FBXO36: variants seen among roughly 807,000 people sequenced by gnomAD.
The protein encoded by FBXO36 is F-box only protein 36.
A neutral mutation model predicts 17.0 loss-of-function variants in FBXO36; 18 were observed. The observed-to-expected ratio is 1.06, with a 90% CI of 0.73 to 1.57. The LOEUF is 1.57. Ranked by LOEUF, FBXO36 falls within the 40% of genes most tolerant of loss-of-function variation. The pLI is 0.00. For synonymous variants in FBXO36, 83 were observed against 85.3 expected (o/e 0.97, Z 0.15); for missense variants, 229 against 221.9 (o/e 1.03, Z -0.20).
chr2:229,977,163 A>G (rs2077213193), intron 2 of FBXO36: 1 of 152,006 alleles, frequency 6.6e-6, no homozygotes, highest in South Asian at 2.1e-4. Flanking sequence ...CATTTTTTTT[A>G]TTAAAAAAAA....
At position 229,922,585 on chromosome 2, in the gene FBXO36, C is replaced by T; in HGVS notation, c.72C>T (p.Tyr24=). 1.2e-6 allele frequency: 2 copies of T among 1,614,096 alleles called. No homozygotes were observed. The highest frequency in any genetic ancestry group is 1.7e-6 in the Non-Finnish European group (2 of 1,180,008). The change falls in exon 1 of 4, where the codon TAC becomes TAT. Residue 24 remains tyrosine (Y), a synonymous_variant. Coordinates refer to ENST00000283946, the MANE Select transcript of FBXO36 (RefSeq NM_174899.5). ...GCCCGCCGCCTAGCAAAGACTATTACCAGTTACTGGTCACCCGGTCTCAGG... is the reference window on the plus strand; with the variant it reads ...GCCCGCCGCCTAGCAAAGACTATTATCAGTTACTGGTCACCCGGTCTCAGG... ...GQGPPPSKDY[Y]QLLVTRSQVI...
chr2:229,959,802 T>C (rs1338047722), intron 1 of FBXO36, among the ~76,000 whole-genome samples: 4 of 151,204 alleles, frequency 2.6e-5, no homozygotes, highest in African/African-American at 7.3e-5. Context: ...GCCAAGATCG[T>C]CCCACTGCAC....
intron 1 of FBXO36, among the ~76,000 whole-genome samples, chr2:229,969,657 C>T (rs1158182108): frequency 1.3e-5 from 2 of 152,084 alleles, no homozygotes; most frequent in Admixed American, 6.6e-5. Flanking sequence ...CACCACACTC[C>T]AGTCTGGGTG....
intron 1 of FBXO36, among the ~76,000 whole-genome samples, chr2:229,929,602 G>A (rs2076929145): frequency 6.6e-6 from 1 of 151,736 alleles, no homozygotes; most frequent in South Asian, 2.1e-4. Flanking sequence ...GCCAGGCGCG[G>A]TGGCTCATGC....
chr2:229,973,447 G>C (rs1247574534), intron 1 of FBXO36: 1 of 152,102 alleles, frequency 6.6e-6, no homozygotes, highest in Admixed American at 6.6e-5. Flanking sequence ...TTTTAGGGCA[G>C]GTGCGGTGGC....
intron 2 of FBXO36, among the ~76,000 whole-genome samples, chr2:229,988,645 C>T (rs149319800): frequency 0.097 from 14,742 of 152,076 alleles, 935 homozygotes; most frequent in Non-Finnish European, 0.14. Context: ...AGAGATTCTC[C>T]TGCCTCAGCC....
intron 3 of FBXO36, among the ~76,000 whole-genome samples, chr2:230,008,830 G>A (rs1480992736): frequency 6.6e-6 from 1 of 152,182 alleles, no homozygotes; most frequent in Non-Finnish European, 1.5e-5. Context: ...ACTAAACCTT[G>A]AAGGACTGTT....
At position 229,991,517 on chromosome 2, in the gene FBXO36, A is replaced by C. The variant is rs570080464; in HGVS notation, c.206-5234A>C. 7.9e-5 allele frequency among the ~76,000 whole-genome samples: 12 copies of C among 152,316 alleles called. No individual in the cohort carries two copies. The East Asian group carries it at 1.9e-3, about 24-fold the overall frequency. ...CTCACAAAGAAGAAGTCATGTGAGC[A>C]CACAGTGAAATGGCAGCCCTGCACA... On this transcript the variant is annotated intron_variant, in intron 2 of 3. Coordinates refer to ENST00000283946, the MANE Select transcript of FBXO36 (RefSeq NM_174899.5).
intron 3 of FBXO36, among the ~76,000 whole-genome samples, chr2:230,005,209 C>T (rs1278741654): frequency 1.3e-5 from 2 of 152,080 alleles, no homozygotes; most frequent in Admixed American, 1.3e-4. Context: ...TCAAGCAATC[C>T]TCCCACCTCA....
chr2:229,928,069 G>A lies in FBXO36; in HGVS notation c.96+5460G>A, dbSNP rs181620957. 2.3e-4 allele frequency among the ~76,000 whole-genome samples: 35 copies of A among 152,226 alleles called. No homozygotes were observed. In the East Asian group the frequency reaches 6.4e-3, roughly 28 times the overall value. On this transcript the variant is annotated intron_variant, in intron 1 of 3. Transcript: ENST00000283946. ...CCAGCAAATCCATTTCTAGGATTTG[G>A]ATATCCAAAAATGCTATCACATGTG...
At chr2:229,978,594 T>A (rs1050473000) in intron 2 of FBXO36, among the ~76,000 whole-genome samples, 13 of 151,300 alleles carry the variant, frequency 8.6e-5, no homozygotes, top group East Asian at 3.9e-4. Context: ...TCTCAAAAAA[T>A]AATAATAATA....
Position 229,993,853 on chromosome 2 carries a change from C to G in FBXO36, c.206-2898C>G, listed in dbSNP as rs1363634998. 2.0e-5 allele frequency among the ~76,000 whole-genome samples: 3 copies of G among 152,158 alleles called. No homozygotes were observed. The East Asian group carries it at 5.8e-4, about 29-fold the overall frequency. On this transcript the variant is annotated intron_variant, in intron 2 of 3. Coordinates refer to ENST00000283946, the MANE Select transcript of FBXO36 (RefSeq NM_174899.5). ...TGGCACGATCTCAGCTCACTGCAAC[C>G]TCCGCCATTCTCCCGCCTCAGCCTC... is the stretch of plus-strand genomic sequence containing the variant.
chr2:229,944,753 C>T (rs2077018234), intron 1 of FBXO36, among the ~76,000 whole-genome samples: 1 of 151,678 alleles, frequency 6.6e-6, no homozygotes, highest in Admixed American at 6.6e-5. Flanking sequence ...CCACCACGCC[C>T]GGCTAATTTT....
intron 1 of FBXO36, among the ~76,000 whole-genome samples, chr2:229,967,972 C>T (rs1395688279): frequency 6.6e-6 from 1 of 151,910 alleles, no homozygotes; most frequent in Non-Finnish European, 1.5e-5. Context: ...CTCCTTGTAC[C>T]TCTGGTAGAA....
chr2:230,012,452 A>G lies in FBXO36; in HGVS notation c.*1568A>G, dbSNP rs958758520. The stretch of plus-strand genomic sequence containing the variant: ...TTCCGTGACTGTGAAATCCAGTGCA[A>G]TCTGCTTCCCAGCAGATGAGGAGCC... On this transcript the variant is annotated 3_prime_UTR_variant, in exon 4 of 4. Transcript: ENST00000283946. The G allele has an allele frequency of 6.8e-6, 1 of 146,954 alleles. No homozygotes were observed. The highest frequency in any genetic ancestry group is 2.4e-5 in the African/African-American group (1 of 41,068). The allele number at this position is 146,954 out of a possible 1,614,324, so 9.1% of individuals were successfully genotyped here.
At chr2:229,941,911 G>A (rs971077580) in intron 1 of FBXO36, among the ~76,000 whole-genome samples, 2 of 152,092 alleles carry the variant, frequency 1.3e-5, no homozygotes, top group Non-Finnish European at 2.9e-5. Context: ...AGCTACTCAG[G>A]AGGCCAAGGC....
chr2:229,955,650 CTGTGTT>C (rs1178311514), intron 1 of FBXO36, among the ~76,000 whole-genome samples: 1 of 152,148 alleles, frequency 6.6e-6, no homozygotes, highest in African/African-American at 2.4e-5. Context: ...ACAATGCCCT[CTGTGTT>C]TGTGGAATGA....
intron 3 of FBXO36, among the ~76,000 whole-genome samples, chr2:230,008,241 CCTTCT>C (rs1285201810): frequency 2.0e-5 from 3 of 152,156 alleles, no homozygotes; most frequent in Non-Finnish European, 4.4e-5. Context: ...CATCCTTCTC[CCTTCT>C]CTTCTCTCAG....
intron 3 of FBXO36, among the ~76,000 whole-genome samples, chr2:230,000,529 T>G (rs1459754341): frequency 6.6e-6 from 1 of 151,934 alleles, no homozygotes; most frequent in Non-Finnish European, 1.5e-5. Flanking sequence ...TTTCAGTAAA[T>G]TTCTGCTCCT....
Sources: gnomAD v4.1 joint callset for allele counts (sites outside exome capture counted in the v4.1 genomes callset) on GRCh38, gnomAD v4.1.1 for gene constraint, MANE v1.5 for transcripts, NCBI Gene and HGNC (gene_info 2026-07-23, HGNC 2026-07-21) for gene names.